The following WDR44 variants were observed in gnomAD, a reference collection of about 807,000 sequenced individuals.
The protein encoded by WDR44 is WD repeat domain 44.
Under a neutral mutation model 65.7 loss-of-function variants are expected in WDR44, and 9 were observed. That is an observed-to-expected ratio of 0.14 (90% confidence interval 0.08 to 0.24). The LOEUF (loss-of-function observed/expected upper bound fraction) is 0.24. WDR44 is among the 10% of genes least tolerant of loss of function. WDR44 has a pLI of 1.00. For synonymous variants in WDR44, 220 were observed against 235.2 expected, an observed-to-expected ratio of 0.94 and a Z score of 0.59; for missense variants, 425 against 670.9, an observed-to-expected ratio of 0.63 and a Z score of 4.05.
chrX:118,439,969 A>T (rs986363261), intron 14 of WDR44, among the ~76,000 whole-genome samples: 3 of 107,521 alleles, frequency 2.8e-5, no homozygotes, highest in Admixed American at 2.0e-4. Context: ...AAAAATTTAA[A>T]ATTAGCCCGG....
chrX:118,397,244 T>TTAAAGAATAC, intron 7 of WDR44, 138 bp downstream of exon 7: 1 of 486,595 alleles, frequency 2.1e-6, no homozygotes, highest in Non-Finnish European at 3.1e-6. Flanking sequence ...TTAGATAATG[T>TTAAAGAATAC]ATGTATTCTT....
At chrX:118,394,747 G>A (rs2056851281) in intron 5 of WDR44, among the ~76,000 whole-genome samples, 1 of 111,483 alleles carries the variant, frequency 9.0e-6, no homozygotes, top group African/African-American at 3.3e-5. Context: ...CTATAGTCTT[G>A]TTATAGCCTT....
chrX:118,385,594 A>C (rs1184669004), intron 2 of WDR44, among the ~76,000 whole-genome samples: 1 of 111,417 alleles, frequency 9.0e-6, no homozygotes, highest in Non-Finnish European at 1.9e-5. Context: ...TCTGTGCAAC[A>C]AAACCCCATG....
chrX:118,347,179 T>A (rs1169028879), intron 1 of WDR44, among the ~76,000 whole-genome samples: 1 of 111,560 alleles, frequency 9.0e-6, no homozygotes, highest in African/African-American at 3.3e-5. Context: ...TAACACCTTA[T>A]CGTGAGGTAA....
chrX:118,424,281 A>ATATG (rs760975610), intron 12 of WDR44, among the ~76,000 whole-genome samples: 4,088 of 92,659 alleles, frequency 0.044, 301 homozygotes, highest in African/African-American at 0.16. Flanking sequence ...ATATATATAT[A>ATATG]TGTGTGTGTG....
At chrX:118,360,981 C>T (rs760676683) in intron 1 of WDR44, among the ~76,000 whole-genome samples, 1 of 111,357 alleles carries the variant, frequency 9.0e-6, no homozygotes, top group African/African-American at 3.3e-5. Flanking sequence ...CAAAAGGCTT[C>T]TGCAGAGCCA....
At chrX:118,431,014 T>C (rs1360812611) in intron 12 of WDR44, among the ~76,000 whole-genome samples, 1 of 111,679 alleles carries the variant, frequency 9.0e-6, no homozygotes, top group African/African-American at 3.3e-5. Flanking sequence ...GATGTGAAGA[T>C]GTTTTTTATA....
chrX:118,399,248 A>G (rs1173161007), intron 8 of WDR44, among the ~76,000 whole-genome samples: 2 of 112,170 alleles, frequency 1.8e-5, no homozygotes, highest in Non-Finnish European at 3.8e-5. Context: ...AAACAATCAA[A>G]GCGTATGTTG....
Position 118,394,224 on chromosome X carries a change from A to G in WDR44, c.957+39A>G, listed in dbSNP as rs774306882. 1.0e-5 allele frequency: 12 copies of G among 1,198,585 alleles called. No homozygotes were observed. In the Admixed American group the frequency reaches 2.6e-4, roughly 26 times the overall value. Reference sequence around the variant, plus strand: ...TGTTCTGTTTCATATAGACTTTATCAGCTCCCTGCAACTGGCTGGTTTGTT... The same window carrying G: ...TGTTCTGTTTCATATAGACTTTATCGGCTCCCTGCAACTGGCTGGTTTGTT... On this transcript the variant is annotated intron_variant, in intron 5 of 19. Coordinates refer to ENST00000254029, the MANE Select transcript of WDR44 (RefSeq NM_019045.5).
intron 2 of WDR44, among the ~76,000 whole-genome samples, chrX:118,385,080 G>A (rs1237588185): frequency 9.0e-6 from 1 of 111,712 alleles, no homozygotes; most frequent in Admixed American, 9.6e-5. Flanking sequence ...GAGACTATGG[G>A]TTATCTAGAT....
intron 1 of WDR44, among the ~76,000 whole-genome samples, chrX:118,375,534 A>C (rs1045135802): frequency 1.9e-5 from 2 of 107,964 alleles, no homozygotes; most frequent in African/African-American, 6.8e-5. Flanking sequence ...AAAAAAAAAC[A>C]AACAGGTTTT....
chrX:118,449,019 T>A lies in WDR44; in HGVS notation c.*32T>A. 1 of 969,489 alleles carries A rather than the reference T, an allele frequency of 1.0e-6. No homozygotes were observed. Among genetic ancestry groups the A allele is most frequent in the Non-Finnish European group, 1.4e-6 (1 of 694,536 alleles). The allele number at this position is 969,489 out of a possible 1,213,427, so 79.9% of individuals were successfully genotyped here. A position where few individuals can be genotyped will look rare whatever the true frequency, so the allele number is the denominator to read the frequency against. On this transcript the variant is annotated 3_prime_UTR_variant, in exon 20 of 20. Transcript: ENST00000254029. ...ATGGCATTTAAAATAAACATATCAG[T>A]AAGTTTCTATATGTATCAAAACTGA...
At chrX:118,411,891 CCTT>C (rs1174434230) in intron 12 of WDR44, among the ~76,000 whole-genome samples, 1 of 112,157 alleles carries the variant, frequency 8.9e-6, no homozygotes, top group African/African-American at 3.2e-5. Flanking sequence ...AAACTAAACT[CCTT>C]CAACAAATGT....
intron 19 of WDR44, among the ~76,000 whole-genome samples, chrX:118,448,257 A>G (rs1475837086): frequency 9.0e-6 from 1 of 111,638 alleles, no homozygotes; most frequent in African/African-American, 3.3e-5. Context: ...CTCAGTTTTC[A>G]CCTATGTATA....
chrX:118,346,480 C>G lies in WDR44; in HGVS notation c.-24C>G, dbSNP rs560696220. 6.4e-5 allele frequency: 77 copies of G among 1,202,797 alleles called. No individual in the cohort carries two copies. In the South Asian group the frequency reaches 1.1e-3, roughly 17 times the overall value. ...CCTTCCTCCAGGCGGCGCCGGCCCC[C>G]TCACCCGCGGGTGTGTCCTATAAAT... is the stretch of plus-strand genomic sequence containing the variant. On this transcript the variant is annotated 5_prime_UTR_variant, in exon 1 of 20. Transcript: ENST00000254029.
intron 15 of WDR44, 63 bp downstream of exon 15, chrX:118,441,622 G>T: frequency 9.9e-7 from 1 of 1,007,578 alleles, no homozygotes. Flanking sequence ...CATGGTTTTG[G>T]ACAAGTTGCT....
intron 12 of WDR44, among the ~76,000 whole-genome samples, chrX:118,431,966 A>G (rs2057215702): frequency 8.9e-6 from 1 of 111,747 alleles, no homozygotes; most frequent in Non-Finnish European, 1.9e-5. Flanking sequence ...TACCTCAAAG[A>G]ATTGTTAGAA....
intron 12 of WDR44, among the ~76,000 whole-genome samples, chrX:118,431,699 C>T (rs1032254439): frequency 8.9e-6 from 1 of 112,145 alleles, no homozygotes; most frequent in Non-Finnish European, 1.9e-5. Context: ...TCCTACCTAC[C>T]TTTCCCTAAA....
chrX:118,352,430 T>C (rs1240618158), intron 1 of WDR44, among the ~76,000 whole-genome samples: 2 of 90,454 alleles, frequency 2.2e-5, no homozygotes, highest in African/African-American at 4.1e-5. Flanking sequence ...TGGGCTCAAC[T>C]GATCCACCCA....
Sources: allele counts gnomAD v4.1 joint callset (sites outside exome capture counted in the v4.1 genomes callset), GRCh38; gene constraint gnomAD v4.1.1; transcripts MANE v1.5; gene names NCBI Gene and HGNC (gene_info 2026-07-23, HGNC 2026-07-21).